MCPH1: variants seen among roughly 807,000 people sequenced by gnomAD.
MCPH1 encodes the protein microcephalin 1.
In MCPH1, 104 loss-of-function variants were observed where a neutral mutation model predicts 84.5. That is an observed-to-expected ratio of 1.23 (90% CI 1.05 to 1.45). The LOEUF is 1.45. MCPH1 is among the 40% of genes most tolerant of loss of function. The pLI, the probability that MCPH1 is intolerant of heterozygous loss-of-function variation, is 0.00. For missense variants in MCPH1, 1,498 were observed against 1,005.7 expected (o/e 1.49, Z -6.62); for synonymous variants, 514 against 366.8 (o/e 1.40, Z -4.58).
intron 13 of MCPH1, among the ~76,000 whole-genome samples, chr8:6,628,536 G>T (rs1586868641): frequency 6.7e-6 from 1 of 148,992 alleles, no homozygotes; most frequent in Admixed American, 6.7e-5. Context: ...ACAGGAGTCA[G>T]CTGTCTATTC....
intron 12 of MCPH1, among the ~76,000 whole-genome samples, chr8:6,579,547 G>T (rs1373303785): frequency 1.3e-5 from 2 of 152,134 alleles, no homozygotes; most frequent in Non-Finnish European, 2.9e-5. Context: ...TTGTTTTGGT[G>T]CCCAGATAAT....
chr8:6,423,068 A>G (rs928186014), intron 3 of MCPH1, among the ~76,000 whole-genome samples: 1 of 150,352 alleles, frequency 6.7e-6, no homozygotes, highest in Admixed American at 6.6e-5. Flanking sequence ...TGATCCGCCC[A>G]CCTTGGCCTC....
At chr8:6,637,210 C>G (rs372538903) in intron 13 of MCPH1, among the ~76,000 whole-genome samples, 2 of 152,294 alleles carry the variant, frequency 1.3e-5, no homozygotes, top group African/African-American at 2.4e-5. Flanking sequence ...CCTTGTGGGA[C>G]TTAACATTTA....
rs376640908 is a variant in MCPH1 at position 6,621,624 on chromosome 8, C to T, written c.2385C>T (p.Ile795=). ...GCCAAGTCCCCCGCCAGGCCAGCAT[C>T]GTCATCGGGCCCTACAGCGGAAAGA... ...RVSQVPRQAS[I]VIGPYSGKKK... The change falls in exon 13 of 14, where the codon ATC becomes ATT. Residue 795 remains isoleucine (I), a synonymous_variant. Coordinates refer to ENST00000344683, the MANE Select transcript of MCPH1 (RefSeq NM_024596.5). 3.7e-6 allele frequency: 6 copies of T among 1,614,196 alleles called. No homozygotes were observed. The Admixed American group carries it at 5.0e-5, about 13-fold the overall frequency.
intron 11 of MCPH1, among the ~76,000 whole-genome samples, chr8:6,498,476 A>C (rs1811546798): frequency 6.6e-6 from 1 of 152,242 alleles, no homozygotes; most frequent in Non-Finnish European, 1.5e-5. Context: ...TAATTAATTT[A>C]CTGACCAGAA....
chr8:6,593,853 C>A (rs1000472858), intron 12 of MCPH1, among the ~76,000 whole-genome samples: 3 of 152,166 alleles, frequency 2.0e-5, no homozygotes, highest in Non-Finnish European at 2.9e-5. Context: ...GAGATCATTC[C>A]ACAACAATAG....
chr8:6,472,297 C>T (rs908815432), intron 9 of MCPH1, among the ~76,000 whole-genome samples: 10 of 152,120 alleles, frequency 6.6e-5, no homozygotes, highest in African/African-American at 2.4e-4. Flanking sequence ...ATATATTTAA[C>T]CTAGGGCTGG....
chr8:6,589,156 G>A (rs1828242588), intron 12 of MCPH1, among the ~76,000 whole-genome samples: 1 of 152,172 alleles, frequency 6.6e-6, no homozygotes, highest in Admixed American at 6.5e-5. Flanking sequence ...TTTTTTCTGT[G>A]GTGATAGATG....
intron 12 of MCPH1, among the ~76,000 whole-genome samples, chr8:6,542,098 G>T (rs1412685024): frequency 6.6e-6 from 1 of 151,872 alleles, no homozygotes; most frequent in East Asian, 1.9e-4. Flanking sequence ...ATGCATTTAG[G>T]CTACAATATA....
intron 12 of MCPH1, among the ~76,000 whole-genome samples, chr8:6,569,790 C>T (rs972635269): frequency 6.6e-6 from 1 of 152,228 alleles, no homozygotes; most frequent in Non-Finnish European, 1.5e-5. Flanking sequence ...CCATTTAGTA[C>T]TGGCCGTCAC....
chr8:6,566,757 T>C (rs1826196428), intron 12 of MCPH1, among the ~76,000 whole-genome samples: 1 of 135,656 alleles, frequency 7.4e-6, no homozygotes, highest in African/African-American at 2.7e-5. Flanking sequence ...GCGGTGACCA[T>C]GTGTGATTGG....
chr8:6,618,499 T>G (rs577763054), intron 12 of MCPH1: 1 of 152,350 alleles, frequency 6.6e-6, no homozygotes, highest in Admixed American at 6.5e-5. Flanking sequence ...AGATAGAGAT[T>G]AGATCTCAGT....
At chr8:6,586,365 C>G (rs35777356) in intron 12 of MCPH1, among the ~76,000 whole-genome samples, 3 of 152,192 alleles carry the variant, frequency 2.0e-5, no homozygotes, top group African/African-American at 7.2e-5. Context: ...AATATACACC[C>G]TCTTACCTGC....
chr8:6,502,769 TTATTTAC>T (rs1300399521), intron 12 of MCPH1: 3 of 316,112 alleles, frequency 9.5e-6, no homozygotes, highest in Non-Finnish European at 1.8e-5. Context: ...TGTTTTCCAG[TTATTTAC>T]TGATAAACTT....
At chr8:6,641,975 A>G (rs1797966442) in intron 13 of MCPH1, among the ~76,000 whole-genome samples, 1 of 152,154 alleles carries the variant, frequency 6.6e-6, no homozygotes, top group African/African-American at 2.4e-5. Flanking sequence ...TTGTATTGAG[A>G]AGACAACAGT....
At chr8:6,586,232 A>T (rs751731086) in intron 12 of MCPH1, among the ~76,000 whole-genome samples, 1 of 152,164 alleles carries the variant, frequency 6.6e-6, no homozygotes, top group Non-Finnish European at 1.5e-5. Context: ...GAGTCCTGGG[A>T]TTACAGGTGT....
chr8:6,642,369 C>G (rs770999245), intron 13 of MCPH1, among the ~76,000 whole-genome samples: 1 of 152,144 alleles, frequency 6.6e-6, no homozygotes, highest in East Asian at 1.9e-4. Flanking sequence ...GCTGACCCTT[C>G]AGCAGCACCT....
intron 3 of MCPH1, among the ~76,000 whole-genome samples, chr8:6,418,728 C>T (rs947770823): frequency 1.3e-5 from 2 of 152,156 alleles, no homozygotes; most frequent in African/African-American, 2.4e-5. Context: ...ATCACAGGCA[C>T]GTGCCACCAC....
At position 6,421,474 on chromosome 8, in the gene MCPH1, C is replaced by A. The variant is rs149656093; in HGVS notation, c.233+6591C>A. 1.3e-5 allele frequency among the ~76,000 whole-genome samples: 2 copies of A among 151,960 alleles called. 1 individual carries two copies. The highest frequency in any genetic ancestry group is 4.8e-5 in the African/African-American group (2 of 41,360). Reference sequence around the variant, plus strand: ...ATAGCAGAGAATGGCCAACTATCATCCCCCAGCCAAATCCACCCTGCCATA... The same window carrying A: ...ATAGCAGAGAATGGCCAACTATCATACCCCAGCCAAATCCACCCTGCCATA... On this transcript the variant is annotated intron_variant, in intron 3 of 13. Transcript: ENST00000344683.
Sources: gnomAD v4.1 joint callset for allele counts (sites outside exome capture counted in the v4.1 genomes callset) on GRCh38, gnomAD v4.1.1 for gene constraint, MANE v1.5 for transcripts, NCBI Gene and HGNC (gene_info 2026-07-23, HGNC 2026-07-21) for gene names.